Variants in PTPRT observed in about 807,000 individuals in gnomAD.
The protein encoded by PTPRT is protein tyrosine phosphatase receptor type T, also known as receptor-type tyrosine-protein phosphatase T.
A neutral mutation model predicts 176.8 loss-of-function variants in PTPRT; 56 were observed. The ratio of observed to expected loss-of-function variants is 0.32; its 90% CI spans 0.26 to 0.40. The LOEUF (loss-of-function observed/expected upper bound fraction) is 0.40, where lower values mean the gene tolerates loss of function less well. PTPRT is among the 10% of genes least tolerant of loss of function. The probability of loss-of-function intolerance (pLI) is 1.00; values close to 1 mark genes in which losing one functional copy is unlikely to be tolerated. For synonymous variants in PTPRT, 783 were observed against 739.0 expected, an observed-to-expected ratio of 1.06 and a Z score of -0.96; for missense variants, 1,540 against 1,908.2, an observed-to-expected ratio of 0.81 and a Z score of 3.60.
At chr20:42,484,609 G>C (rs949908055) in intron 7 of PTPRT, among the ~76,000 whole-genome samples, 1 of 152,158 alleles carries the variant, frequency 6.6e-6, no homozygotes, top group African/African-American at 2.4e-5. Context: ...CATTTGTAGC[G>C]TGTCTGACAG....
At chr20:42,917,569 C>A (rs1205293464) in intron 1 of PTPRT, among the ~76,000 whole-genome samples, 1 of 152,076 alleles carries the variant, frequency 6.6e-6, no homozygotes, top group Non-Finnish European at 1.5e-5. Flanking sequence ...GCCATTTTCA[C>A]GATATTGATT....
At chr20:42,184,601 T>TGCTTCTTCTTCTTCTTCTTCC (rs1568652566) in intron 16 of PTPRT, among the ~76,000 whole-genome samples, 1 of 138,830 alleles carries the variant, frequency 7.2e-6, no homozygotes, top group African/African-American at 2.7e-5. Flanking sequence ...CTTCCTCTTC[T>TGCTTCTTCTTCTTCTTCTTCC]TCTTCTTCTT....
chr20:42,439,422 C>A (rs1193616142), intron 9 of PTPRT, among the ~76,000 whole-genome samples: 1 of 152,186 alleles, frequency 6.6e-6, no homozygotes, highest in African/African-American at 2.4e-5. Context: ...CAGAACGATA[C>A]CTCCCTATGT....
intron 16 of PTPRT, among the ~76,000 whole-genome samples, chr20:42,174,642 G>A (rs1008643072): frequency 2.6e-5 from 4 of 152,152 alleles, no homozygotes; most frequent in Non-Finnish European, 5.9e-5. Flanking sequence ...AGTGTTTGAA[G>A]AATCTGATAT....
intron 19 of PTPRT, among the ~76,000 whole-genome samples, 182 bp downstream of exon 19, chr20:42,128,572 G>C (rs1461050419): frequency 1.3e-5 from 2 of 152,176 alleles, no homozygotes; most frequent in South Asian, 4.1e-4. Flanking sequence ...GGCTACTACA[G>C]CTAGCCTGAA....
chr20:42,125,894 G>A (rs1987830118), intron 19 of PTPRT, among the ~76,000 whole-genome samples: 1 of 152,084 alleles, frequency 6.6e-6, no homozygotes, highest in Non-Finnish European at 1.5e-5. Flanking sequence ...TGTGTGGCCT[G>A]TGGTCCTTAG....
In PTPRT at chr20:42,895,143, G is replaced by A. The variant is rs139090723; in HGVS notation, c.89-9211C>T. ...TTGCAGGTTGTATTAGCCTGCTAGG[G>A]CTGCTGTAAAAAAATGCCACAAACT... On this transcript the variant is annotated intron_variant, in intron 1 of 30. Transcript: ENST00000373187. 4.2e-3 allele frequency among the ~76,000 whole-genome samples: 637 copies of A among 152,288 alleles called. 6 individuals are homozygous for A. Among genetic ancestry groups the A allele is most frequent in the African/African-American group, 0.014 (600 of 41,548 alleles).
At chr20:42,048,802 C>T in the PTPRT span, among the ~76,000 whole-genome samples, 3 of 152,106 alleles carry the variant, frequency 2.0e-5, no homozygotes, top group African/African-American at 7.2e-5. Context: ...TAATAAAATA[C>T]TACTAAGTTT....
chr20:42,453,079 T>A (rs2070859566), intron 8 of PTPRT, among the ~76,000 whole-genome samples: 1 of 152,218 alleles, frequency 6.6e-6, no homozygotes, highest in Non-Finnish European at 1.5e-5. Flanking sequence ...CGCATTAAAA[T>A]GACATGTTTT....
intron 1 of PTPRT, among the ~76,000 whole-genome samples, chr20:43,148,034 T>C (rs1173534806): frequency 6.6e-6 from 1 of 152,170 alleles, no homozygotes; most frequent in Non-Finnish European, 1.5e-5. Context: ...GGGCTCTGTC[T>C]GTGGAAGCTG....
intron 1 of PTPRT, among the ~76,000 whole-genome samples, chr20:43,149,134 G>T (rs977026664): frequency 5.3e-5 from 8 of 152,218 alleles, no homozygotes; most frequent in Admixed American, 1.3e-4. Flanking sequence ...TGCAATTATA[G>T]AATAGTATAT....
intron 6 of PTPRT, among the ~76,000 whole-genome samples, chr20:42,714,210 C>T (rs905301692): frequency 2.0e-5 from 3 of 152,128 alleles, no homozygotes; most frequent in Non-Finnish European, 4.4e-5. Flanking sequence ...CTTTATGTTT[C>T]TGGGGTTCTA....
At chr20:43,099,912 G>A (rs2012321490) in intron 1 of PTPRT, among the ~76,000 whole-genome samples, 1 of 152,108 alleles carries the variant, frequency 6.6e-6, no homozygotes, top group South Asian at 2.1e-4. Flanking sequence ...GCAGGAACCA[G>A]GGTACACTTG....
At chr20:43,118,717 C>A (rs1245020447) in intron 1 of PTPRT, among the ~76,000 whole-genome samples, 2 of 152,194 alleles carry the variant, frequency 1.3e-5, no homozygotes, top group African/African-American at 4.8e-5. Flanking sequence ...GGATTACAGG[C>A]GTGAGCCACC....
At position 42,201,883 on chromosome 20, in the gene PTPRT, G is replaced by A. The variant is rs185323962; in HGVS notation, c.2343-2495C>T. The stretch of plus-strand genomic sequence containing the variant: ...ATACAGAATGCACTCTGGAAGCAGA[G>A]AGCACAGTAGAGAAAGGTGGAAAGG... On this transcript the variant is annotated intron_variant, in intron 15 of 30. Transcript: ENST00000373187. Among the ~76,000 whole-genome samples the A allele has an allele frequency of 3.6e-3, 541 of 152,102 alleles. 2 individuals carry two copies. The highest frequency in any genetic ancestry group is 5.9e-3 in the Non-Finnish European group (404 of 67,996).
At chr20:42,417,532 A>G (rs2059077354) in intron 9 of PTPRT, among the ~76,000 whole-genome samples, 1 of 151,922 alleles carries the variant, frequency 6.6e-6, no homozygotes, top group Non-Finnish European at 1.5e-5. Context: ...TCAATCCTCC[A>G]GGAGAGTAAT....
intron 4 of PTPRT, 96 bp from the exon 5 acceptor site, chr20:42,771,646 G>A (rs1352657195): frequency 2.1e-6 from 2 of 933,926 alleles, no homozygotes; most frequent in Non-Finnish European, 3.5e-6. Context: ...CACTGGGCAG[G>A]GTGGAACTGG....
In PTPRT at chr20:42,354,540, G is replaced by C. The variant is rs1035972324; in HGVS notation, c.1561-2255C>G. 3.9e-5 allele frequency among the ~76,000 whole-genome samples: 6 copies of C among 152,162 alleles called. No homozygotes were observed. In the South Asian group the frequency reaches 6.2e-4, roughly 16 times the overall value. On this transcript the variant is annotated intron_variant, in intron 9 of 30. Coordinates refer to ENST00000373187, the MANE Select transcript of PTPRT (RefSeq NM_007050.6). The stretch of plus-strand genomic sequence containing the variant: ...AATGAATTCACTCATCCACTTATTT[G>C]CTCCTTCACAGTGTTTCCTGTGTAC...
rs559349841 is a variant in PTPRT at position 42,952,930 on chromosome 20, T to TA, written c.89-66999dup. ...CGGTGGATTCTTTTGTATATACTCT[T>TA]AAAAAAAATCTTAGGTTGGATAAAT... On this transcript the variant is annotated intron_variant, in intron 1 of 30. Coordinates refer to ENST00000373187, the MANE Select transcript of PTPRT (RefSeq NM_007050.6). Among the ~76,000 whole-genome samples, 3 of 152,184 alleles carry TA rather than the reference T, an allele frequency of 2.0e-5. No homozygotes were observed. The South Asian group carries it at 6.2e-4, about 32-fold the overall frequency.
Sources: allele counts gnomAD v4.1 joint callset (sites outside exome capture counted in the v4.1 genomes callset), GRCh38; gene constraint gnomAD v4.1.1; transcripts MANE v1.5; gene names NCBI Gene and HGNC (gene_info 2026-07-23, HGNC 2026-07-21).